The following AP2S1 variants were observed in gnomAD, a reference collection of about 807,000 sequenced individuals.
AP2S1 encodes adaptor related protein complex 2 subunit sigma 1.
AP2S1 carries 6 observed loss-of-function variants against 21.0 expected under a neutral mutation model. The ratio of observed to expected loss-of-function variants is 0.29; its 90% CI spans 0.16 to 0.56. The LOEUF is 0.56. Among genes scored for constraint, AP2S1 ranks in the 20% least tolerant of loss-of-function variants. AP2S1 has a pLI of 0.92. For missense variants in AP2S1, 60 were observed against 186.2 expected (o/e 0.32, Z 3.95); for synonymous variants, 63 against 74.6 (o/e 0.84, Z 0.80).
chr19:46,839,868 C>T (rs1043503053), intron 2 of AP2S1, among the ~76,000 whole-genome samples: 5 of 151,958 alleles, frequency 3.3e-5, no homozygotes, highest in Admixed American at 2.0e-4. Context: ...GAGGGGGTAT[C>T]GGAGCTGAGA....
At chr19:46,850,567 C>G (rs1418917342) in intron 1 of AP2S1, 197 bp downstream of exon 1, 6 of 622,650 alleles carry the variant, frequency 9.6e-6, no homozygotes, top group Non-Finnish European at 1.1e-5. Context: ...CGCCGCGAGA[C>G]CCCTGGTAAC....
chr19:46,839,314 A>AAAAAAAG (rs2055471891), intron 3 of AP2S1, 151 bp downstream of exon 3: 1 of 711,854 alleles, frequency 1.4e-6, no homozygotes, highest in African/African-American at 2.1e-5. Context: ...AAAAAAAAAA[A>AAAAAAAG]AAAGAAAAAG....
At chr19:46,848,212 T>G (rs1459089987) in intron 1 of AP2S1, among the ~76,000 whole-genome samples, 1 of 151,838 alleles carries the variant, frequency 6.6e-6, no homozygotes, top group Non-Finnish European at 1.5e-5. Flanking sequence ...GTACTAAAAA[T>G]ACAAAAATTA....
At chr19:46,847,902 C>T (rs988817812) in intron 1 of AP2S1, among the ~76,000 whole-genome samples, 3 of 152,092 alleles carry the variant, frequency 2.0e-5, no homozygotes, top group Non-Finnish European at 2.9e-5. Context: ...TATGAGTTTT[C>T]GTGTGGATGG....
chr19:46,839,540 G>A lies in AP2S1; in HGVS notation c.192C>T (p.Gly64=). 3 of 1,614,072 alleles carry A rather than the reference G, an allele frequency of 1.9e-6. No homozygotes were observed. Among genetic ancestry groups the A allele is most frequent in the Non-Finnish European group, 2.5e-6 (3 of 1,180,024 alleles). ...CATCCACACAGATGCAGAAGTAGAG[G>A]CCAGCATAGCGGCGGTAAATGATCT... ...NFKIIYRRYA[G]LYFCICVDVN... is the part of the protein sequence containing the mutation. The change falls in exon 3 of 5, where the codon GGC becomes GGT. Residue 64 remains glycine, a synonymous_variant. Transcript: ENST00000263270.
At position 46,838,420 on chromosome 19, in the gene AP2S1, C is replaced by T. The variant is rs557063830; in HGVS notation, c.*27G>A. ...GCGAGCAGGCGAGTCCAGGAGGGGC[C>T]GGGGCCGGGGTGGGGCTCGCCTGCC... On this transcript the variant is annotated 3_prime_UTR_variant, in exon 5 of 5. Coordinates refer to ENST00000263270, the MANE Select transcript of AP2S1 (RefSeq NM_004069.6). This position sits in a 1 kb window ranked among gnomAD's most constrained non-coding sequence, Gnocchi z 4.1. 1.8e-4 allele frequency: 295 copies of T among 1,608,792 alleles called. 4 individuals are homozygous for T. The South Asian group carries it at 2.0e-3, about 11-fold the overall frequency.
chr19:46,849,354 C>G (rs7255993), intron 1 of AP2S1, among the ~76,000 whole-genome samples: 4,250 of 151,372 alleles, frequency 0.028, 187 homozygotes, highest in African/African-American at 0.094. Flanking sequence ...CCTCCCTCCC[C>G]CAACCAACCA....
At chr19:46,842,966 T>A (rs1207101043) in intron 2 of AP2S1, among the ~76,000 whole-genome samples, 2 of 151,964 alleles carry the variant, frequency 1.3e-5, no homozygotes, top group African/African-American at 4.8e-5. Flanking sequence ...CCTACCCAGC[T>A]CTCTCCAAGA....
chr19:46,838,915 A>C lies in AP2S1; in HGVS notation c.268-116T>G, dbSNP rs2055460822. 7.0e-6 allele frequency: 6 copies of C among 851,192 alleles called. No individual in the cohort carries two copies. Among genetic ancestry groups the C allele is most frequent in the Non-Finnish European group, 1.1e-5 (6 of 522,888 alleles). The allele number at this position is 851,192 out of a possible 1,614,324, so 52.7% of individuals were successfully genotyped here. A position where few individuals can be genotyped will look rare whatever the true frequency, so the allele number is the denominator to read the frequency against. ...CAAAAAAAGAGACCAAGGGGGAGGC[A>C]GGGGAGAGAGAGAGACAGTGACAGG... On this transcript the variant is annotated intron_variant, in intron 3 of 4. Coordinates refer to ENST00000263270, the MANE Select transcript of AP2S1 (RefSeq NM_004069.6). The surrounding 1 kb of genome is among the most constrained non-coding windows in gnomAD (Gnocchi z 4.1).
At chr19:46,843,022 A>G (rs761973336) in intron 2 of AP2S1, among the ~76,000 whole-genome samples, 5 of 151,968 alleles carry the variant, frequency 3.3e-5, no homozygotes, top group Non-Finnish European at 4.4e-5. Flanking sequence ...TGGGATGTGG[A>G]CGATACTCGG....
At chr19:46,848,687 G>GT (rs2055678689) in intron 1 of AP2S1, among the ~76,000 whole-genome samples, 2 of 152,140 alleles carry the variant, frequency 1.3e-5, no homozygotes, top group Non-Finnish European at 2.9e-5. Flanking sequence ...TTCTCTCTTA[G>GT]GAAAGAGAGC....
intron 1 of AP2S1, 108 bp from the exon 2 acceptor site, chr19:46,846,250 C>T (rs995781651): frequency 7.2e-7 from 1 of 1,388,152 alleles, no homozygotes; most frequent in African/African-American, 1.4e-5. Context: ...GGGCTCAGGG[C>T]CTCCCTGCTG....
At chr19:46,842,418 G>A (rs1384661628) in intron 2 of AP2S1, among the ~76,000 whole-genome samples, 3 of 152,164 alleles carry the variant, frequency 2.0e-5, no homozygotes, top group African/African-American at 7.2e-5. Context: ...GGCTGTCTCA[G>A]TGCTGCTGTG....
chr19:46,842,836 C>T (rs536165828), intron 2 of AP2S1, among the ~76,000 whole-genome samples: 2 of 152,306 alleles, frequency 1.3e-5, no homozygotes, highest in Admixed American at 6.5e-5. Flanking sequence ...TGGTTCTCCT[C>T]TCCCTCATCT....
At chr19:46,846,902 G>A (rs2055645610) in intron 1 of AP2S1, among the ~76,000 whole-genome samples, 1 of 152,062 alleles carries the variant, frequency 6.6e-6, no homozygotes, top group Non-Finnish European at 1.5e-5. Context: ...CTGACCTCAG[G>A]TGATCCGCCC....
chr19:46,847,212 T>A (rs1374639398), intron 1 of AP2S1, among the ~76,000 whole-genome samples: 1 of 152,058 alleles, frequency 6.6e-6, no homozygotes, highest in Non-Finnish European at 1.5e-5. Flanking sequence ...TAGTATATAT[T>A]CACAGTTGTG....
At chr19:46,842,231 ACTC>A (rs1240638280) in intron 2 of AP2S1, among the ~76,000 whole-genome samples, 1 of 151,068 alleles carries the variant, frequency 6.6e-6, no homozygotes, top group African/African-American at 2.4e-5. Context: ...CCAGTTGCCT[ACTC>A]CTCCCTTTGA....
intron 1 of AP2S1, chr19:46,850,352 AG>A (rs778854793): frequency 1.9e-5 from 24 of 1,241,600 alleles, no homozygotes; most frequent in Non-Finnish European, 2.4e-5. Context: ...CCCTTTTCCA[AG>A]GTCTCGCGTT....
chr19:46,844,652 GCTGGGCTTGGTAGTGCACAAGC>G (rs2055588038), intron 2 of AP2S1, among the ~76,000 whole-genome samples: 1 of 152,044 alleles, frequency 6.6e-6, no homozygotes, highest in African/African-American at 2.4e-5. Context: ...ACAAATATTA[GCTGGGCTTGGTAGTGCACAAGC>G]CTGTAGTCCC....
Sources: allele counts gnomAD v4.1 joint callset (sites outside exome capture counted in the v4.1 genomes callset), GRCh38; gene constraint gnomAD v4.1.1; non-coding constraint Gnocchi (gnomAD v3.1); transcripts MANE v1.5; gene names NCBI Gene and HGNC (gene_info 2026-07-23, HGNC 2026-07-21).